CSMD2: variants seen among roughly 807,000 people sequenced by gnomAD.
CSMD2 encodes the protein CUB and Sushi multiple domains 2, also known as CUB and sushi domain-containing protein 2.
In CSMD2, 130 loss-of-function variants were observed where a neutral mutation model predicts 398.5. That is an observed-to-expected ratio of 0.33 (90% CI 0.28 to 0.38). The LOEUF (loss-of-function observed/expected upper bound fraction) is 0.38, where lower values mean the gene tolerates loss of function less well. Ranked by LOEUF, CSMD2 falls within the 10% of genes least tolerant of loss-of-function variation. The pLI is 1.00. For synonymous variants in CSMD2, 1,828 were observed against 1,908.5 expected (o/e 0.96, Z 1.10); for missense variants, 3,829 against 4,764.9 (o/e 0.80, Z 5.78).
intron 4 of CSMD2, among the ~76,000 whole-genome samples, chr1:33,932,105 G>C (rs1246639862): frequency 6.6e-6 from 1 of 152,170 alleles, no homozygotes; most frequent in African/African-American, 2.4e-5. Flanking sequence ...TGTTGGTGGG[G>C]ACACTTTTCA....
intron 22 of CSMD2, among the ~76,000 whole-genome samples, chr1:33,707,283 G>T (rs1645819447): frequency 6.6e-6 from 1 of 152,162 alleles, no homozygotes; most frequent in South Asian, 2.1e-4. Flanking sequence ...ATGCCTCAAA[G>T]CTGGCTTTTT....
At chr1:34,086,018 T>TG (rs779388600) in intron 2 of CSMD2, among the ~76,000 whole-genome samples, 26 of 117,616 alleles carry the variant, frequency 2.2e-4, no homozygotes, top group Non-Finnish European at 4.0e-4. Flanking sequence ...TTAAGTTTCC[T>TG]GGAAAAAAAA....
chr1:33,904,710 G>C (rs1319153803), intron 5 of CSMD2, among the ~76,000 whole-genome samples: 1 of 151,110 alleles, frequency 6.6e-6, no homozygotes, highest in Admixed American at 6.6e-5. Context: ...TGCCGCCCAG[G>C]CTGGAGTGCA....
At chr1:33,652,525 T>C (rs1643816768) in intron 27 of CSMD2, 64 bp from the exon 28 acceptor site, 9 of 1,584,200 alleles carry the variant, frequency 5.7e-6, no homozygotes, top group Non-Finnish European at 7.8e-6. Flanking sequence ...TCATGGGTGT[T>C]GCTAATGCAC....
At chr1:34,058,293 T>C (rs945252492) in intron 2 of CSMD2, among the ~76,000 whole-genome samples, 7 of 152,164 alleles carry the variant, frequency 4.6e-5, no homozygotes, top group Admixed American at 1.3e-4. Flanking sequence ...GAGATGACAG[T>C]ACCTACCCCA....
Position 33,567,645 on chromosome 1 carries a change from C to T in CSMD2, c.8328G>A (p.Val2776=). 6.2e-7 allele frequency: 1 copy of T among 1,614,160 alleles called. No homozygotes were observed. Among genetic ancestry groups the T allele is most frequent in the Non-Finnish European group, 8.5e-7 (1 of 1,180,016 alleles). The part of the protein sequence containing the change: ...NAGFRLIGMS[V]RICQQDHHWS... ...AGTGATGATCCTGCTGGCAGATGCG[C>T]ACAGACATGCCGATCAGGCGGAAGC... The change falls in exon 53 of 71, where the codon GTG becomes GTA. Residue 2776 remains valine, a synonymous_variant. Coordinates refer to ENST00000373381, the MANE Select transcript of CSMD2 (RefSeq NM_001281956.2).
intron 62 of CSMD2, among the ~76,000 whole-genome samples, chr1:33,536,542 G>A (rs16835557): frequency 0.2 from 30,724 of 152,138 alleles, 3,278 homozygotes; most frequent in East Asian, 0.34. Context: ...TCTGTTCAAT[G>A]TGTCACAACC....
chr1:34,134,902 A>C (rs1638559515), intron 1 of CSMD2, among the ~76,000 whole-genome samples: 2 of 152,228 alleles, frequency 1.3e-5, no homozygotes, highest in Non-Finnish European at 2.9e-5. Flanking sequence ...CAAGTTTTTA[A>C]AAAGTTGTTG....
At chr1:34,115,123 A>C (rs1482785762) in intron 1 of CSMD2, among the ~76,000 whole-genome samples, 1 of 152,162 alleles carries the variant, frequency 6.6e-6, no homozygotes, top group Non-Finnish European at 1.5e-5. Flanking sequence ...AAAATAGACC[A>C]ATATGTGTGT....
At chr1:33,555,896 C>A (rs1217763736) in intron 55 of CSMD2, among the ~76,000 whole-genome samples, 1 of 152,008 alleles carries the variant, frequency 6.6e-6, no homozygotes, top group Non-Finnish European at 1.5e-5. Context: ...CCAATGTATG[C>A]CTCTATATTA....
At chr1:33,719,604 T>A (rs552645464) in intron 19 of CSMD2, among the ~76,000 whole-genome samples, 1 of 152,214 alleles carries the variant, frequency 6.6e-6, no homozygotes, top group Admixed American at 6.5e-5. Flanking sequence ...ATCGTACCAA[T>A]GACATCAATA....
At chr1:33,774,515 C>T (rs532685267) in intron 12 of CSMD2, among the ~76,000 whole-genome samples, 214 of 152,292 alleles carry the variant, frequency 1.4e-3, no homozygotes, top group African/African-American at 5.0e-3. Context: ...CCCAGACATG[C>T]TCTCTGGGAT....
At chr1:33,670,717 T>C (rs1571162831) in intron 25 of CSMD2, among the ~76,000 whole-genome samples, 1 of 152,196 alleles carries the variant, frequency 6.6e-6, no homozygotes, top group Non-Finnish European at 1.5e-5. Context: ...GTGATACTGA[T>C]AGTCATACTT....
chr1:33,870,258 A>T (rs939777236), intron 5 of CSMD2: 10 of 152,262 alleles, frequency 6.6e-5, no homozygotes, highest in African/African-American at 2.4e-4. Context: ...AATGCCTGGG[A>T]CATCATCGTT....
At position 33,980,165 on chromosome 1, in the gene CSMD2, T is replaced by C. The variant is rs865980148; in HGVS notation, c.518-44211A>G. 2.6e-5 allele frequency among the ~76,000 whole-genome samples: 4 copies of C among 152,238 alleles called. 1 individual carries two copies. The highest frequency in any genetic ancestry group is 6.8e-3 in the Middle Eastern group (2 of 294). On this transcript the variant is annotated intron_variant, in intron 3 of 70. Transcript: ENST00000373381. ...AACCTGGCCAGTTACAAAATAAAGA[T>C]ATAAGGAACCTCCTGAGAAGTTTCA...
intron 2 of CSMD2, among the ~76,000 whole-genome samples, chr1:34,047,169 T>G (rs1488151204): frequency 6.6e-6 from 1 of 152,044 alleles, no homozygotes; most frequent in East Asian, 1.9e-4. Flanking sequence ...TCCCACTCCA[T>G]CACCACCCTC....
intron 5 of CSMD2, chr1:33,862,855 T>C (rs1265761702): frequency 6.6e-6 from 1 of 152,222 alleles, no homozygotes; most frequent in Non-Finnish European, 1.5e-5. Context: ...TTTCCATCTT[T>C]CTTTTACAGA....
intron 5 of CSMD2, among the ~76,000 whole-genome samples, chr1:33,896,521 T>TC (rs1642397240): frequency 6.6e-6 from 1 of 152,160 alleles, no homozygotes. Flanking sequence ...TGACACTAAC[T>TC]CCCTGGGTGA....
intron 15 of CSMD2, among the ~76,000 whole-genome samples, chr1:33,728,961 T>C (rs1252094116): frequency 6.6e-6 from 1 of 152,148 alleles, no homozygotes; most frequent in East Asian, 1.9e-4. Context: ...CTGCAACTAC[T>C]AATGCTTTCC....
Sources: allele counts gnomAD v4.1 joint callset (sites outside exome capture counted in the v4.1 genomes callset), GRCh38; gene constraint gnomAD v4.1.1; transcripts MANE v1.5; gene names NCBI Gene and HGNC (gene_info 2026-07-23, HGNC 2026-07-21).